The following ANKS1B variants were observed in gnomAD, a reference collection of about 807,000 sequenced individuals.
ANKS1B encodes the protein ankyrin repeat and sterile alpha motif domain containing 1B.
ANKS1B carries 36 observed loss-of-function variants against 148.3 expected under a neutral mutation model. That is an observed-to-expected ratio of 0.24 (90% CI 0.19 to 0.32). ANKS1B has a LOEUF of 0.32. ANKS1B is among the 10% of genes least tolerant of loss of function. The probability of loss-of-function intolerance (pLI) is 1.00; values close to 1 mark genes in which losing one functional copy is unlikely to be tolerated. For missense variants in ANKS1B, 1,157 were observed against 1,542.6 expected (o/e 0.75, Z 4.19); for synonymous variants, 542 against 560.8 (o/e 0.97, Z 0.47).
chr12:99,334,159 C>T (rs144234616), intron 12 of ANKS1B, among the ~76,000 whole-genome samples: 24 of 147,212 alleles, frequency 1.6e-4, no homozygotes, highest in African/African-American at 6.4e-4. Context: ...GATAGACAGA[C>T]AGACAGACAG....
At chr12:98,833,308 T>A (rs755698732) in intron 17 of ANKS1B, among the ~76,000 whole-genome samples, 23 of 152,218 alleles carry the variant, frequency 1.5e-4, no homozygotes, top group Non-Finnish European at 2.8e-4. Flanking sequence ...ATTTGCCTGA[T>A]TCCAAAGCAT....
At chr12:99,542,358 T>C (rs995164093) in intron 9 of ANKS1B, among the ~76,000 whole-genome samples, 2 of 151,472 alleles carry the variant, frequency 1.3e-5, no homozygotes, top group African/African-American at 4.9e-5. Flanking sequence ...AAAAAAAATC[T>C]AAGATTTGTA....
At chr12:98,965,633 C>T (rs1188403400) in intron 17 of ANKS1B, among the ~76,000 whole-genome samples, 1 of 152,098 alleles carries the variant, frequency 6.6e-6, no homozygotes, top group Non-Finnish European at 1.5e-5. Context: ...CATCACGCTA[C>T]CTGACTTCTA....
intron 17 of ANKS1B, among the ~76,000 whole-genome samples, chr12:99,018,696 C>G (rs185784935): frequency 2.6e-5 from 4 of 152,248 alleles, no homozygotes; most frequent in Admixed American, 2.6e-4. Context: ...GTAATCCCAG[C>G]ACTTTGGGAG....
chr12:98,897,141 T>C (rs1188639133), intron 17 of ANKS1B, among the ~76,000 whole-genome samples: 1 of 152,198 alleles, frequency 6.6e-6, no homozygotes, highest in East Asian at 1.9e-4. Context: ...AAAATGCTTC[T>C]TGGGAGAGCT....
intron 1 of ANKS1B, among the ~76,000 whole-genome samples, chr12:99,904,055 T>G (rs1233778160): frequency 6.6e-6 from 1 of 152,204 alleles, no homozygotes; most frequent in African/African-American, 2.4e-5. Flanking sequence ...ACCCAGGCCC[T>G]TTGCAGGCCA....
chr12:99,370,050 G>T (rs1210266863), intron 12 of ANKS1B, among the ~76,000 whole-genome samples: 1 of 151,296 alleles, frequency 6.6e-6, no homozygotes, highest in African/African-American at 2.4e-5. Context: ...AGAACATAAA[G>T]AAGACCCTTA....
At chr12:99,440,390 T>A (rs1387766755) in intron 11 of ANKS1B, among the ~76,000 whole-genome samples, 3 of 151,770 alleles carry the variant, frequency 2.0e-5, no homozygotes, top group African/African-American at 7.3e-5. Context: ...AGAATGTCAA[T>A]AGACCTACCT....
At chr12:99,139,598 T>C (rs1261249603) in intron 15 of ANKS1B, among the ~76,000 whole-genome samples, 2 of 149,080 alleles carry the variant, frequency 1.3e-5, no homozygotes, top group Non-Finnish European at 3.0e-5. Context: ...TTTCTAACAC[T>C]AATTTCTCCA....
intron 10 of ANKS1B, among the ~76,000 whole-genome samples, chr12:99,444,110 T>C (rs2095596385): frequency 6.6e-6 from 1 of 151,992 alleles, no homozygotes. Flanking sequence ...ACTATATGAA[T>C]AACTAAAACC....
intron 15 of ANKS1B, among the ~76,000 whole-genome samples, chr12:99,117,209 G>A (rs191726369): frequency 6.8e-4 from 104 of 152,190 alleles, no homozygotes; most frequent in African/African-American, 2.4e-3. Context: ...TTGCCTGATT[G>A]CCCTGGCCAG....
At chr12:99,651,246 A>G (rs2153436899) in intron 9 of ANKS1B, among the ~76,000 whole-genome samples, 1 of 152,332 alleles carries the variant, frequency 6.6e-6, no homozygotes, top group East Asian at 1.9e-4. Flanking sequence ...TCAAAATATG[A>G]AAAACATTTC....
At chr12:99,577,460 A>C (rs1406154041) in intron 9 of ANKS1B, among the ~76,000 whole-genome samples, 2 of 151,732 alleles carry the variant, frequency 1.3e-5, no homozygotes, top group African/African-American at 4.8e-5. Context: ...TGAAAAAATA[A>C]ATAAGATCAA....
rs532299435 is a variant in ANKS1B at position 98,923,060 on chromosome 12, G to A, written c.2779-90924C>T. Among the ~76,000 whole-genome samples, 136 of 152,218 alleles carry A rather than the reference G, an allele frequency of 8.9e-4. 1 individual carries two copies. Among genetic ancestry groups the A allele is most frequent in the African/African-American group, 3.1e-3 (129 of 41,540 alleles). ...AGTGTGGGGAGATAGGGCCTAGTGA[G>A]AGGTGTCTGGGTCATAGAGGTATAT... On this transcript the variant is annotated intron_variant, in intron 17 of 26. Transcript: ENST00000683438.
intron 17 of ANKS1B, among the ~76,000 whole-genome samples, chr12:98,876,004 T>C (rs2099688452): frequency 6.6e-6 from 1 of 152,108 alleles, no homozygotes; most frequent in South Asian, 2.1e-4. Flanking sequence ...GCAGGAACCA[T>C]AACAAAAACT....
chr12:98,914,648 G>C (rs1488362821), intron 17 of ANKS1B, among the ~76,000 whole-genome samples: 1 of 151,666 alleles, frequency 6.6e-6, no homozygotes, highest in Admixed American at 6.6e-5. Flanking sequence ...TCCCTTCACT[G>C]TTGAGTGAAC....
intron 1 of ANKS1B, among the ~76,000 whole-genome samples, chr12:99,981,826 C>CG (rs1360690628): frequency 1.3e-5 from 2 of 152,006 alleles, no homozygotes; most frequent in Admixed American, 6.5e-5. Context: ...ATAAAGCAAG[C>CG]GGGGAAAAAG....
chr12:99,562,927 A>G (rs574053098), intron 9 of ANKS1B, among the ~76,000 whole-genome samples: 17 of 152,326 alleles, frequency 1.1e-4, no homozygotes, highest in African/African-American at 4.1e-4. Context: ...CAGCTTCTCC[A>G]TCAATACTTG....
At chr12:98,783,589 T>C (rs958549941) in intron 22 of ANKS1B, among the ~76,000 whole-genome samples, 1 of 152,158 alleles carries the variant, frequency 6.6e-6, no homozygotes, top group Non-Finnish European at 1.5e-5. Flanking sequence ...AATGACGGCC[T>C]ATTAGGGGTG....
Sources: allele counts gnomAD v4.1 joint callset (sites outside exome capture counted in the v4.1 genomes callset), GRCh38; gene constraint gnomAD v4.1.1; transcripts MANE v1.5; gene names NCBI Gene and HGNC (gene_info 2026-07-23, HGNC 2026-07-21).